KCNK5: variants seen among roughly 807,000 people sequenced by gnomAD.
KCNK5 encodes the protein potassium two pore domain channel subfamily K member 5, also known as potassium channel subfamily K member 5.
KCNK5 carries 18 observed loss-of-function variants against 32.9 expected under a neutral mutation model. The ratio of observed to expected loss-of-function variants is 0.55; its 90% confidence interval spans 0.38 to 0.81. The LOEUF is 0.81. Ranked by LOEUF, KCNK5 falls within the 30% of genes least tolerant of loss-of-function variation. The pLI is 0.00. For missense variants in KCNK5, 507 were observed against 651.0 expected (o/e 0.78, Z 2.41); for synonymous variants, 276 against 275.3 (o/e 1.00, Z -0.03).
intron 1 of KCNK5, among the ~76,000 whole-genome samples, chr6:39,215,724 A>T (rs902542927): frequency 1.3e-5 from 2 of 152,246 alleles, no homozygotes; most frequent in African/African-American, 4.8e-5. Context: ...GATGTGACAC[A>T]GCATGGGTTT....
In KCNK5 at chr6:39,191,777, A is replaced by G; in HGVS notation, c.635-22T>C. 1 of 1,599,622 alleles carries G rather than the reference A, an allele frequency of 6.3e-7. No homozygotes were observed. Among genetic ancestry groups the G allele is most frequent in the Non-Finnish European group, 8.5e-7 (1 of 1,171,278 alleles). Reference sequence around the variant, plus strand: ...ACACCTGAGCGGACAGGCAGTCCAGAGGTCAGGAAGAGTTAGCAGGGCCCG... The same window carrying G: ...ACACCTGAGCGGACAGGCAGTCCAGGGGTCAGGAAGAGTTAGCAGGGCCCG... On this transcript the variant is annotated intron_variant, in intron 4 of 4. Coordinates refer to ENST00000359534, the MANE Select transcript of KCNK5 (RefSeq NM_003740.4). The surrounding 1 kb of genome is among the most constrained non-coding windows in gnomAD (Gnocchi z 5.8).
intron 1 of KCNK5, among the ~76,000 whole-genome samples, chr6:39,222,732 TTTAA>T (rs747637624): frequency 3.7e-4 from 56 of 152,210 alleles, no homozygotes; most frequent in Non-Finnish European, 7.2e-4. Context: ...TAGTTCTATT[TTTAA>T]TTGAGGAAAC....
Position 39,194,814 on chromosome 6 carries a change from C to T in KCNK5, c.299-54G>A. On this transcript the variant is annotated intron_variant, in intron 2 of 4. Coordinates refer to ENST00000359534, the MANE Select transcript of KCNK5 (RefSeq NM_003740.4). The surrounding 1 kb of genome is among the most constrained non-coding windows in gnomAD (Gnocchi z 4.7). ...CAGGAGGGGTGGTCAAACCAGTGGG[C>T]CTTGCTTCCAACACACACACAGCCC... 1.3e-6 allele frequency: 2 copies of T among 1,528,994 alleles called. No homozygotes were observed. Among genetic ancestry groups the T allele is most frequent in the African/African-American group, 1.4e-5 (1 of 73,056 alleles). 94.7% of individuals were successfully genotyped at this position (1,528,994 alleles called of 1,614,324 possible).
rs777457298 is a variant in KCNK5 at position 39,191,061 on chromosome 6, C to G, written c.1329G>C (p.Leu443Phe). 1.2e-6 allele frequency: 2 copies of G among 1,613,158 alleles called. No individual in the cohort carries two copies. Among genetic ancestry groups the G allele is most frequent in the East Asian group, 2.2e-5 (1 of 44,860 alleles). Residue 443 changes from leucine to phenylalanine, a missense_variant, in exon 5 of 5, where the codon TTG (leucine) becomes TTC (phenylalanine). Transcript: ENST00000359534. This position sits in a 1 kb window ranked among gnomAD's most constrained non-coding sequence, Gnocchi z 5.8. ...ETSKSSLEDN[L>F]AGEESPQQGA... ...CCTGCTGGGGGCTCTCCTCCCCTGC[C>G]AAGTTGTCCTCTAGCGAGGACTTGG...
At chr6:39,201,506 C>A (rs1326984729) in intron 1 of KCNK5, among the ~76,000 whole-genome samples, 1 of 152,164 alleles carries the variant, frequency 6.6e-6, no homozygotes, top group Admixed American at 6.5e-5. Flanking sequence ...CTGCCTCGGG[C>A]TCCCAAAGTG....
At chr6:39,214,832 C>T (rs1771405012) in intron 1 of KCNK5, among the ~76,000 whole-genome samples, 1 of 152,172 alleles carries the variant, frequency 6.6e-6, no homozygotes, top group Non-Finnish European at 1.5e-5. Flanking sequence ...CCTTGAAGCA[C>T]ACAGGCCCTC....
intron 1 of KCNK5, among the ~76,000 whole-genome samples, chr6:39,199,954 C>A (rs186701755): frequency 3.3e-5 from 5 of 152,294 alleles, no homozygotes; most frequent in African/African-American, 9.6e-5. Flanking sequence ...GTGCTAGCTC[C>A]CTATTCCCAC....
intron 1 of KCNK5, 65 bp downstream of exon 1, chr6:39,228,861 C>G: frequency 6.5e-7 from 1 of 1,538,284 alleles, no homozygotes; most frequent in Non-Finnish European, 8.9e-7. Context: ...AGGGGTCTTC[C>G]TTTCAGCGCC....
intron 1 of KCNK5, among the ~76,000 whole-genome samples, chr6:39,211,948 G>A (rs1562055504): frequency 6.6e-6 from 1 of 150,918 alleles, no homozygotes; most frequent in Non-Finnish European, 1.5e-5. Context: ...TGGACAACAA[G>A]AGCAAAACTC....
chr6:39,194,492 T>C lies in KCNK5; in HGVS notation c.465+102A>G. On this transcript the variant is annotated intron_variant, in intron 3 of 4. Transcript: ENST00000359534. The surrounding 1 kb of genome is among the most constrained non-coding windows in gnomAD (Gnocchi z 4.7). ...GAGCTCTGAAACTATCCTCTTGCCA[T>C]CTGTCCTTACACCCTTGGTCCAATT... 6.9e-7 allele frequency: 1 copy of C among 1,458,390 alleles called. No homozygotes were observed. Among genetic ancestry groups the C allele is most frequent in the Non-Finnish European group, 9.3e-7 (1 of 1,070,144 alleles). The allele number at this position is 1,458,390 out of a possible 1,614,324, so 90.3% of individuals were successfully genotyped here.
intron 1 of KCNK5, among the ~76,000 whole-genome samples, chr6:39,213,338 C>T (rs191767806): frequency 6.6e-6 from 1 of 152,290 alleles, no homozygotes; most frequent in East Asian, 1.9e-4. Context: ...AATCCTGTCT[C>T]CCCAACTCGG....
chr6:39,208,918 C>T (rs1173967443), intron 1 of KCNK5, among the ~76,000 whole-genome samples: 1 of 152,140 alleles, frequency 6.6e-6, no homozygotes, highest in African/African-American at 2.4e-5. Context: ...GGTGAAACCC[C>T]ATCTCTACTA....
intron 1 of KCNK5, among the ~76,000 whole-genome samples, chr6:39,216,469 C>T (rs1456271310): frequency 6.6e-6 from 1 of 152,096 alleles, no homozygotes; most frequent in Non-Finnish European, 1.5e-5. Flanking sequence ...GTGTGGAAAA[C>T]CCAGTCTCAA....
At chr6:39,212,631 G>A (rs567733342) in intron 1 of KCNK5, among the ~76,000 whole-genome samples, 19 of 152,196 alleles carry the variant, frequency 1.2e-4, no homozygotes, top group Non-Finnish European at 2.6e-4. Context: ...GTCCAAGGCT[G>A]CACTTGTCCA....
At chr6:39,214,587 T>C (rs1453039143) in intron 1 of KCNK5, among the ~76,000 whole-genome samples, 1 of 152,072 alleles carries the variant, frequency 6.6e-6, no homozygotes, top group Non-Finnish European at 1.5e-5. Context: ...GTTCAGGACA[T>C]TCATTAATAA....
chr6:39,197,514 C>T (rs1049126908), intron 1 of KCNK5, among the ~76,000 whole-genome samples: 2 of 152,202 alleles, frequency 1.3e-5, no homozygotes, highest in Admixed American at 1.3e-4. Context: ...GCAGCCCCTG[C>T]CCTCAGAGAG....
chr6:39,197,648 A>G lies in KCNK5; in HGVS notation c.187-1661T>C, dbSNP rs114313495. ...CATCCAATGGGTTTCTGAAAACATCAAATCTGTTTGGAGCAAGAGAATGAG... is the reference window on the plus strand; with the variant it reads ...CATCCAATGGGTTTCTGAAAACATCGAATCTGTTTGGAGCAAGAGAATGAG... On this transcript the variant is annotated intron_variant, in intron 1 of 4. Coordinates refer to ENST00000359534, the MANE Select transcript of KCNK5 (RefSeq NM_003740.4). 2.8e-3 allele frequency among the ~76,000 whole-genome samples: 430 copies of G among 152,370 alleles called. 3 individuals are homozygous for G. The highest frequency in any genetic ancestry group is 9.7e-3 in the African/African-American group (404 of 41,588).
rs1220704593 is a variant in KCNK5 at position 39,191,374 on chromosome 6, G to T, written c.1016C>A (p.Pro339His). ...GTAGACTACCAGGGGCACCAGGGAA[G>T]GGGGCAGTGCTGGGAGCCCACCGCC... ...PQGGGLPALPPSLVPLVVYSK... is the reference protein window; with the variant it reads ...PQGGGLPALPHSLVPLVVYSK... The change falls in exon 5 of 5, where the codon CCT becomes CAT. Residue 339 changes from proline to histidine, a missense_variant. Transcript: ENST00000359534. The surrounding 1 kb of genome is among the most constrained non-coding windows in gnomAD (Gnocchi z 5.8). The T allele has an allele frequency of 6.2e-7, 1 of 1,613,634 alleles. No homozygotes were observed. Among genetic ancestry groups the T allele is most frequent in the East Asian group, 2.2e-5 (1 of 44,854 alleles).
At chr6:39,201,191 G>A (rs573704459) in intron 1 of KCNK5, among the ~76,000 whole-genome samples, 3 of 151,910 alleles carry the variant, frequency 2.0e-5, no homozygotes, top group East Asian at 3.9e-4. Flanking sequence ...GGGTTAATGG[G>A]TTAATGGGTT....
Sources: gnomAD v4.1 joint callset for allele counts (sites outside exome capture counted in the v4.1 genomes callset) on GRCh38, gnomAD v4.1.1 for gene constraint, Gnocchi (gnomAD v3.1) non-coding constraint, MANE v1.5 for transcripts, NCBI Gene and HGNC (gene_info 2026-07-23, HGNC 2026-07-21) for gene names.